Variants in PDS5A observed in about 807,000 individuals in gnomAD.
The protein encoded by PDS5A is sister chromatid cohesion protein PDS5 homolog A.
In PDS5A, 42 loss-of-function variants were observed where a neutral mutation model predicts 167.1. That is an observed-to-expected ratio of 0.25 (90% CI 0.20 to 0.33). The LOEUF (loss-of-function observed/expected upper bound fraction) is 0.33. Among genes scored for constraint, PDS5A ranks in the 10% least tolerant of loss-of-function variants. The probability of loss-of-function intolerance (pLI) is 1.00; values close to 1 mark genes in which losing one functional copy is unlikely to be tolerated. For synonymous variants in PDS5A, 553 were observed against 554.6 expected (o/e 1.00, Z 0.04); for missense variants, 1,033 against 1,605.9 (o/e 0.64, Z 6.10).
At chr4:39,898,160 A>T in intron 16 of PDS5A, 1 of 1,227,544 alleles carries the variant, frequency 8.1e-7, no homozygotes. Flanking sequence ...ATCTTGTAAA[A>T]TTCCTAAGAC....
chr4:39,915,343 ATTTTTTT>A (rs3070904), intron 8 of PDS5A, among the ~76,000 whole-genome samples: 3 of 88,728 alleles, frequency 3.4e-5, no homozygotes, highest in Non-Finnish European at 4.1e-5. Flanking sequence ...AACCGGCCTG[ATTTTTTT>A]TTTTTTTTTT....
intron 12 of PDS5A, 95 bp downstream of exon 12, chr4:39,903,945 A>G (rs1485523727): frequency 1.7e-6 from 1 of 589,164 alleles, no homozygotes; most frequent in African/African-American, 1.9e-5. Context: ...TGAAGTAAAT[A>G]CATAAAAATA....
chr4:39,872,961 C>T (rs929919759), intron 21 of PDS5A, 25 bp downstream of exon 21: 8 of 1,375,604 alleles, frequency 5.8e-6, no homozygotes, highest in African/African-American at 2.8e-5. Context: ...TCATGATTCT[C>T]AATTTAATTA....
At chr4:39,833,883 C>T (rs1157248432) in intron 32 of PDS5A, among the ~76,000 whole-genome samples, 2 of 152,212 alleles carry the variant, frequency 1.3e-5, no homozygotes, top group Non-Finnish European at 2.9e-5. Context: ...GTTGAGCAAG[C>T]TTTCCACTCA....
At chr4:39,904,983 C>T (rs924898097) in intron 11 of PDS5A, among the ~76,000 whole-genome samples, 29 of 152,252 alleles carry the variant, frequency 1.9e-4, no homozygotes, top group South Asian at 2.1e-4. Flanking sequence ...ATGTTAACTT[C>T]GGATAAGAAC....
intron 2 of PDS5A, among the ~76,000 whole-genome samples, chr4:39,944,178 CAA>C (rs60344531): frequency 0.043 from 3,817 of 88,304 alleles, 82 homozygotes; most frequent in East Asian, 0.24. Flanking sequence ...GACTCCGTCT[CAA>C]AAAAAAAAAA....
At chr4:39,907,580 C>CTT (rs1484262824) in intron 11 of PDS5A, among the ~76,000 whole-genome samples, 3 of 115,882 alleles carry the variant, frequency 2.6e-5, no homozygotes, top group Non-Finnish European at 2.1e-5. Context: ...TCCATGTTTT[C>CTT]TTTTCTTTTC....
chr4:39,921,135 CTT>C (rs1013934371), intron 6 of PDS5A, among the ~76,000 whole-genome samples: 8 of 152,220 alleles, frequency 5.3e-5, no homozygotes, highest in African/African-American at 1.4e-4. Context: ...GGTCAGCAAA[CTT>C]TTTCTATGAA....
In PDS5A at chr4:39,863,414, T is replaced by C; in HGVS notation, c.2688A>G (p.Ile896Met). 1 of 1,610,218 alleles carries C rather than the reference T, an allele frequency of 6.2e-7. No homozygotes were observed. The highest frequency in any genetic ancestry group is 8.5e-7 in the Non-Finnish European group (1 of 1,177,024). Residue 896 changes from isoleucine (I) to methionine (M), a missense_variant, in exon 24 of 33, where the codon ATA (isoleucine) becomes ATG (methionine). Around this residue, in one of 4 missense-constraint regions of PDS5A, gnomAD observed 367 missense variants for 686.7 expected, o/e 0.53. Transcript: ENST00000303538. The stretch of plus-strand genomic sequence containing the variant: ...AACAAGGTTCCTGAGCAAGCTTCAT[T>C]ATGGCACTACCAGCAGCTAATCGCA... ...SRLRLAAGSA[I>M]MKLAQEPCYH... is the part of the protein sequence containing the mutation.
intron 11 of PDS5A, among the ~76,000 whole-genome samples, chr4:39,904,404 T>A (rs2109662257): frequency 6.6e-6 from 1 of 152,272 alleles, no homozygotes; most frequent in East Asian, 1.9e-4. Flanking sequence ...AGTGGCAGGA[T>A]CTTGGCTCAC....
At chr4:39,860,010 G>C (rs372861044) in intron 26 of PDS5A, among the ~76,000 whole-genome samples, 1 of 152,146 alleles carries the variant, frequency 6.6e-6, no homozygotes, top group African/African-American at 2.4e-5. Flanking sequence ...AAGGTGGGAG[G>C]ATTGCTTGAG....
intron 13 of PDS5A, among the ~76,000 whole-genome samples, chr4:39,901,621 T>C (rs1384855097): frequency 2.0e-5 from 3 of 152,114 alleles, no homozygotes; most frequent in African/African-American, 7.2e-5. Flanking sequence ...GAAGCCACAA[T>C]GGCAAACAGT....
At chr4:39,905,860 A>C (rs1723289966) in intron 11 of PDS5A, among the ~76,000 whole-genome samples, 1 of 152,014 alleles carries the variant, frequency 6.6e-6, no homozygotes, top group African/African-American at 2.4e-5. Context: ...GGAGGGAAGA[A>C]AAAAAGGAAA....
chr4:39,916,380 A>G (rs1010210187), intron 8 of PDS5A, among the ~76,000 whole-genome samples: 1 of 152,204 alleles, frequency 6.6e-6, no homozygotes, highest in African/African-American at 2.4e-5. Context: ...CTGTACCATG[A>G]AAAGGTCATA....
intron 31 of PDS5A, among the ~76,000 whole-genome samples, chr4:39,841,179 G>A (rs1174163702): frequency 5.3e-5 from 8 of 152,108 alleles, no homozygotes; most frequent in Non-Finnish European, 1.0e-4. Flanking sequence ...TCGCTCTGTC[G>A]TTCAGGCTGG....
In PDS5A at chr4:39,969,533, G is replaced by A. The variant is rs376371085; in HGVS notation, c.138+6907C>T. On this transcript the variant is annotated intron_variant, in intron 2 of 32. Transcript: ENST00000303538. ...AATACAAAGTTAGCCAGGCGTGGTG[G>A]TGGATGCCTATAATCCCAGCTATTC... Among the ~76,000 whole-genome samples, 14 of 152,232 alleles carry A rather than the reference G, an allele frequency of 9.2e-5. No individual in the cohort carries two copies. The East Asian group carries it at 1.2e-3, about 13-fold the overall frequency.
At chr4:39,877,434 A>G (rs754412621) in intron 18 of PDS5A, among the ~76,000 whole-genome samples, 1 of 152,128 alleles carries the variant, frequency 6.6e-6, no homozygotes, top group Non-Finnish European at 1.5e-5. Context: ...AGAACACAAA[A>G]CACATGGCTC....
At chr4:39,834,221 G>A (rs1326935636) in intron 32 of PDS5A, among the ~76,000 whole-genome samples, 1 of 151,606 alleles carries the variant, frequency 6.6e-6, no homozygotes, top group Non-Finnish European at 1.5e-5. Context: ...AGGTCAAAGT[G>A]GCCAAGTGGT....
intron 2 of PDS5A, among the ~76,000 whole-genome samples, chr4:39,943,141 CACACA>C (rs1727382264): frequency 8.1e-6 from 1 of 123,396 alleles, no homozygotes; most frequent in South Asian, 3.2e-4. Flanking sequence ...CACACACACA[CACACA>C]CACACACACA....
Sources: gnomAD v4.1 joint callset for allele counts (sites outside exome capture counted in the v4.1 genomes callset) on GRCh38, gnomAD v4.1.1 for gene constraint, gnomAD v4.1.1 regional missense constraint, MANE v1.5 for transcripts, NCBI Gene and HGNC (gene_info 2026-07-23, HGNC 2026-07-21) for gene names.